WDR45: variants seen among roughly 807,000 people sequenced by gnomAD.
WDR45 encodes WD repeat domain 45, also known as WD repeat domain phosphoinositide-interacting protein 4.
WDR45 carries 2 observed loss-of-function variants against 27.3 expected under a neutral mutation model. The ratio of observed to expected loss-of-function variants is 0.07; its 90% CI spans 0.03 to 0.23. The LOEUF (loss-of-function observed/expected upper bound fraction) is 0.23, where lower values mean the gene tolerates loss of function less well. WDR45 is among the 10% of genes least tolerant of loss of function. The probability of loss-of-function intolerance (pLI) is 1.00; values close to 1 mark genes in which losing one functional copy is unlikely to be tolerated. For synonymous variants in WDR45, 99 were observed against 119.2 expected, an observed-to-expected ratio of 0.83 and a Z score of 1.11; for missense variants, 175 against 311.9, an observed-to-expected ratio of 0.56 and a Z score of 3.31.
chrX:49,080,195 G>A (rs1001940761), upstream of WDR45: 2 of 112,514 alleles, frequency 1.8e-5, no homozygotes, highest in African/African-American at 3.2e-5. Flanking sequence ...CAATGGGGGA[G>A]TAAACCTTCC....
chrX:49,096,573 C>T (rs1438911063), intron 2 of WDR45, among the ~76,000 whole-genome samples: 1 of 111,949 alleles, frequency 8.9e-6, no homozygotes, highest in African/African-American at 3.2e-5. Flanking sequence ...TTTCCCATCA[C>T]CTAATTCCTT....
At chrX:49,086,777 G>A (rs2065087674) in intron 2 of WDR45, among the ~76,000 whole-genome samples, 1 of 109,945 alleles carries the variant, frequency 9.1e-6, no homozygotes, top group Non-Finnish European at 1.9e-5. Context: ...ATTTTTAGTA[G>A]AGATGGGGTT....
At chrX:49,079,177 T>G (rs913652479) in intron 1 of WDR45, 2 of 109,737 alleles carry the variant, frequency 1.8e-5, no homozygotes, top group Admixed American at 9.7e-5. Flanking sequence ...GACATCTCCT[T>G]CCTTGTGTTC....
intron 6 of WDR45, 61 bp downstream of exon 6, chrX:49,076,369 C>G: frequency 1.8e-6 from 2 of 1,115,666 alleles, no homozygotes; most frequent in South Asian, 1.9e-5. Flanking sequence ...TTCCTCATCT[C>G]TGCCCCTCTG....
intron 2 of WDR45, among the ~76,000 whole-genome samples, chrX:49,087,679 A>G (rs1557086112): frequency 8.9e-6 from 1 of 112,343 alleles, no homozygotes; most frequent in African/African-American, 3.2e-5. Flanking sequence ...CCATCGAGGC[A>G]GGAGCAGAGC....
chrX:49,087,447 C>T (rs781795653), intron 2 of WDR45, among the ~76,000 whole-genome samples: 26 of 112,033 alleles, frequency 2.3e-4, no homozygotes, highest in African/African-American at 7.4e-4. Context: ...CACTTGAACC[C>T]GGGAGGTGGA....
chrX:49,092,939 G>T (rs1334654134), intron 2 of WDR45, among the ~76,000 whole-genome samples: 1 of 111,469 alleles, frequency 9.0e-6, no homozygotes, highest in Non-Finnish European at 1.9e-5. Flanking sequence ...TAGTATTATG[G>T]TTTTTTTGTT....
At chrX:49,081,538 A>G (rs2065067100), upstream of WDR45, among the ~76,000 whole-genome samples, 1 of 107,662 alleles carries the variant, frequency 9.3e-6, no homozygotes, top group Non-Finnish European at 1.9e-5. Context: ...TCGAAAAAAA[A>G]AAAAAAAGCC....
intron 2 of WDR45, among the ~76,000 whole-genome samples, chrX:49,087,609 A>G (rs1286141094): frequency 8.9e-6 from 1 of 112,568 alleles, no homozygotes; most frequent in Non-Finnish European, 1.9e-5. Flanking sequence ...GACGTGGGAC[A>G]TTGCTAAGAT....
At chrX:49,084,956 T>C (rs782724374) in intron 2 of WDR45, among the ~76,000 whole-genome samples, 18 of 111,464 alleles carry the variant, frequency 1.6e-4, no homozygotes, top group Non-Finnish European at 3.0e-4. Flanking sequence ...TTTTAAGACA[T>C]TAGACATCAG....
intron 2 of WDR45, among the ~76,000 whole-genome samples, chrX:49,089,801 A>AT (rs1239267152): frequency 1.9e-5 from 2 of 106,472 alleles, no homozygotes; most frequent in Non-Finnish European, 3.8e-5. Flanking sequence ...AAAAAAAAAA[A>AT]AAGAAAAGAA....
chrX:49,076,983 G>A (rs2065041939), intron 4 of WDR45: 3 of 393,177 alleles, frequency 7.6e-6, no homozygotes, highest in South Asian at 7.9e-5. Flanking sequence ...CAAAGTGGTT[G>A]AGTGTCTGGC....
chrX:49,083,308 G>A (rs376801569), upstream of WDR45, among the ~76,000 whole-genome samples: 19 of 104,305 alleles, frequency 1.8e-4, no homozygotes, highest in Non-Finnish European at 2.3e-4. Context: ...TACCACGCCC[G>A]GCCTCTCGTT....
chrX:49,077,312 T>G, intron 4 of WDR45: 1 of 280,787 alleles, frequency 3.6e-6, no homozygotes, highest in Non-Finnish European at 6.4e-6. Flanking sequence ...AGTTTCCTCA[T>G]CGGTAAAGAT....
chrX:49,086,589 T>C (rs1296947970), intron 2 of WDR45, among the ~76,000 whole-genome samples: 3 of 111,007 alleles, frequency 2.7e-5, no homozygotes, highest in African/African-American at 6.5e-5. Context: ...GGGCTATTTG[T>C]CTTTTCTCTT....
At chrX:49,097,034 G>A (rs1416946962) in intron 2 of WDR45, among the ~76,000 whole-genome samples, 1 of 111,837 alleles carries the variant, frequency 8.9e-6, no homozygotes, top group African/African-American at 3.2e-5. Flanking sequence ...TACTGCGCCT[G>A]GCCAGCAAAT....
intron 2 of WDR45, among the ~76,000 whole-genome samples, chrX:49,095,757 GC>G (rs1569524002): frequency 1.7e-5 from 1 of 59,544 alleles, no homozygotes; most frequent in African/African-American, 5.8e-5. Flanking sequence ...ACCGTGCCCG[GC>G]CTTTTTTTTT....
chrX:49,099,621 A>T (rs113091528), intron 2 of WDR45, among the ~76,000 whole-genome samples: 2,615 of 108,846 alleles, frequency 0.024, 72 homozygotes, highest in African/African-American at 0.083. Flanking sequence ...CTCTACTAAA[A>T]ATACAAAAAA....
rs2147816486 is a variant in WDR45, at chrX:49,076,630, C to T, written c.341+15G>A. On this transcript the variant is annotated intron_variant, in intron 5 of 10. Coordinates refer to ENST00000376372, the MANE Select transcript of WDR45 (RefSeq NM_001029896.2). The stretch of plus-strand genomic sequence containing the variant: ...GGGACCTCCTACCTCCCACCCCGGT[C>T]CTCCTCAGGCTCACTTGTCATGGCG... 4 of 1,207,181 alleles carry T rather than the reference C, an allele frequency of 3.3e-6. No homozygotes were observed. The highest frequency in any genetic ancestry group is 2.2e-5 in the Admixed American group (1 of 45,863).
Sources: gnomAD v4.1 joint callset for allele counts (sites outside exome capture counted in the v4.1 genomes callset) on GRCh38, gnomAD v4.1.1 for gene constraint, MANE v1.5 for transcripts, NCBI Gene and HGNC (gene_info 2026-07-23, HGNC 2026-07-21) for gene names.